UBE2R2: variants seen among roughly 807,000 people sequenced by gnomAD.
UBE2R2 encodes ubiquitin-conjugating enzyme E2 R2.
In UBE2R2, 1 loss-of-function variant was observed where a neutral mutation model predicts 27.8. The ratio of observed to expected loss-of-function variants is 0.04; its 90% CI spans 0.01 to 0.17. The LOEUF is 0.17. Among genes scored for constraint, UBE2R2 ranks in the 10% least tolerant of loss-of-function variants. The pLI is 1.00. For missense variants in UBE2R2, 100 were observed against 291.0 expected (o/e 0.34, Z 4.78); for synonymous variants, 106 against 113.3 (o/e 0.94, Z 0.41).
At chr9:33,841,578 T>C (rs1185532170) in intron 1 of UBE2R2, among the ~76,000 whole-genome samples, 2 of 152,208 alleles carry the variant, frequency 1.3e-5, no homozygotes, top group Non-Finnish European at 2.9e-5. Flanking sequence ...TTAGGGCGCC[T>C]AATATGGACC....
chr9:33,869,423 T>TTTTATTTATTTATTTATTTA (rs78245446), intron 1 of UBE2R2, among the ~76,000 whole-genome samples: 61 of 146,624 alleles, frequency 4.2e-4, no homozygotes, highest in African/African-American at 1.2e-3. Context: ...ATATACAATG[T>TTTTATTTATTTATTTATTTA]TTTATTTATT....
chr9:33,913,950 T>G (rs918148424), intron 4 of UBE2R2, among the ~76,000 whole-genome samples: 4 of 152,162 alleles, frequency 2.6e-5, no homozygotes, highest in Non-Finnish European at 5.9e-5. Context: ...CTACAGAAAT[T>G]TAGAGGAGTG....
chr9:33,899,971 A>T (rs1420247265), intron 2 of UBE2R2, among the ~76,000 whole-genome samples: 1 of 152,232 alleles, frequency 6.6e-6, no homozygotes, highest in African/African-American at 2.4e-5. Context: ...CTCACTAGAA[A>T]ATATACCTTG....
intron 1 of UBE2R2, among the ~76,000 whole-genome samples, chr9:33,851,839 C>T (rs1820974481): frequency 6.6e-6 from 1 of 152,044 alleles, no homozygotes; most frequent in African/African-American, 2.4e-5. Flanking sequence ...GGTATACATT[C>T]ACATAAAGTG....
At chr9:33,898,047 T>TTA (rs1160403438) in intron 2 of UBE2R2, among the ~76,000 whole-genome samples, 1 of 152,276 alleles carries the variant, frequency 6.6e-6, no homozygotes, top group East Asian at 1.9e-4. Flanking sequence ...AGTGCTGAGG[T>TTA]TACAGGCGTG....
chr9:33,817,478 A>C lies in UBE2R2; in HGVS notation c.-280A>C, dbSNP rs1587417615. 1.3e-5 allele frequency: 2 copies of C among 159,000 alleles called. No homozygotes were observed. The highest frequency in any genetic ancestry group is 1.3e-5 in the Non-Finnish European group (1 of 76,066). The allele number at this position is 159,000 out of a possible 1,614,324, so 9.8% of individuals were successfully genotyped here. ...CCCCTCCGGGGGGGGGAGGCCCGGG[A>C]CCGGGACCCGTAGCGAATTCTCCTA... On this transcript the variant is annotated 5_prime_UTR_variant, in exon 1 of 5. Coordinates refer to ENST00000263228, the MANE Select transcript of UBE2R2 (RefSeq NM_017811.4).
At chr9:33,848,402 T>G (rs1820891568) in intron 1 of UBE2R2, among the ~76,000 whole-genome samples, 1 of 152,130 alleles carries the variant, frequency 6.6e-6, no homozygotes, top group African/African-American at 2.4e-5. Flanking sequence ...AAAATAATCC[T>G]GGAGACTAAG....
intron 3 of UBE2R2, among the ~76,000 whole-genome samples, chr9:33,901,186 T>C (rs1447607833): frequency 6.6e-6 from 1 of 152,198 alleles, no homozygotes; most frequent in Non-Finnish European, 1.5e-5. Flanking sequence ...ACTGATCAGG[T>C]ATTTTGTGCA....
chr9:33,852,291 A>G (rs753623178), intron 1 of UBE2R2, among the ~76,000 whole-genome samples: 1 of 152,172 alleles, frequency 6.6e-6, no homozygotes, highest in Non-Finnish European at 1.5e-5. Flanking sequence ...AGCCTGTGTG[A>G]TAGAGCAGAC....
intron 1 of UBE2R2, among the ~76,000 whole-genome samples, chr9:33,881,349 A>G (rs1821728918): frequency 6.6e-6 from 1 of 152,204 alleles, no homozygotes; most frequent in South Asian, 2.1e-4. Flanking sequence ...CTTTTAAAGT[A>G]TATAGTTCAG....
rs540364601 is a variant in UBE2R2 at position 33,873,174 on chromosome 9, TAA to T, written c.178-13685_178-13684del. On this transcript the variant is annotated intron_variant, in intron 1 of 4. Coordinates refer to ENST00000263228, the MANE Select transcript of UBE2R2 (RefSeq NM_017811.4). ...TGAGCGACAGAGCAAGACTCCGTCTTAAAAAAAAAAAAAAAAAAAAAAAGATC... is the reference window on the plus strand; with the variant it reads ...TGAGCGACAGAGCAAGACTCCGTCTTAAAAAAAAAAAAAAAAAAAAAGATC... Among the ~76,000 whole-genome samples, 441 of 109,178 alleles carry T rather than the reference TAA, an allele frequency of 4.0e-3. 5 individuals are homozygous for T. The highest frequency in any genetic ancestry group is 8.5e-3 in the African/African-American group (244 of 28,780). The allele number at this position is 109,178 out of a possible 152,430, so 71.6% of individuals were successfully genotyped here.
intron 3 of UBE2R2, among the ~76,000 whole-genome samples, chr9:33,906,858 G>A (rs1587482268): frequency 1.3e-5 from 2 of 152,218 alleles, no homozygotes; most frequent in East Asian, 3.9e-4. Flanking sequence ...GCAACATGAC[G>A]AGATTCCATC....
At chr9:33,913,069 T>G (rs1395729695) in intron 4 of UBE2R2, among the ~76,000 whole-genome samples, 1 of 152,030 alleles carries the variant, frequency 6.6e-6, no homozygotes, top group Non-Finnish European at 1.5e-5. Flanking sequence ...CAAGCAATTC[T>G]CCTGCCTCAG....
At chr9:33,870,854 A>G (rs1465384462) in intron 1 of UBE2R2, among the ~76,000 whole-genome samples, 5 of 152,200 alleles carry the variant, frequency 3.3e-5, no homozygotes, top group African/African-American at 1.2e-4. Context: ...TTTCCTCAAT[A>G]TAGAAAACTG....
At chr9:33,823,665 C>T (rs2077308342) in intron 1 of UBE2R2, among the ~76,000 whole-genome samples, 1 of 152,198 alleles carries the variant, frequency 6.6e-6, no homozygotes, top group African/African-American at 2.4e-5. Flanking sequence ...CATGAGCCAC[C>T]GCGCCTGGCT....
At chr9:33,849,114 G>A (rs923929984) in intron 1 of UBE2R2, among the ~76,000 whole-genome samples, 3 of 152,034 alleles carry the variant, frequency 2.0e-5, no homozygotes, top group Middle Eastern at 3.4e-3. Context: ...AAAATTAGCC[G>A]GGCGTGGTGG....
chr9:33,877,823 G>GTCTGTCTGTCTGTCTC, intron 1 of UBE2R2, among the ~76,000 whole-genome samples: 9 of 131,104 alleles, frequency 6.9e-5, no homozygotes, highest in African/African-American at 3.0e-4. Flanking sequence ...CTGTCTGTCT[G>GTCTGTCTGTCTGTCTC]TCTCTCTCTC....
chr9:33,827,578 T>C (rs1820343080), intron 1 of UBE2R2, among the ~76,000 whole-genome samples: 1 of 151,824 alleles, frequency 6.6e-6, no homozygotes, highest in African/African-American at 2.4e-5. Context: ...GAGGTGGAAT[T>C]TGCAGTAAGC....
chr9:33,919,938 C>CT lies in UBE2R2; in HGVS notation c.*2703dup, dbSNP rs1822767542. 1 of 152,134 alleles carries CT rather than the reference C, an allele frequency of 6.6e-6. No individual in the cohort carries two copies. Among genetic ancestry groups the CT allele is most frequent in the African/African-American group, 2.4e-5 (1 of 41,404 alleles). 9.4% of individuals were successfully genotyped at this position (152,134 alleles called of 1,614,324 possible). ...TGATTCTGCTGTTGATTCTTTCAGTCTTCCCCCCTTCTCCTTTTATCAATC... is the reference window on the plus strand; with the variant it reads ...TGATTCTGCTGTTGATTCTTTCAGTCTTTCCCCCCTTCTCCTTTTATCAATC... On this transcript the variant is annotated 3_prime_UTR_variant, in exon 5 of 5. Transcript: ENST00000263228.
Sources: gnomAD v4.1 joint callset for allele counts (sites outside exome capture counted in the v4.1 genomes callset) on GRCh38, gnomAD v4.1.1 for gene constraint, MANE v1.5 for transcripts, NCBI Gene and HGNC (gene_info 2026-07-23, HGNC 2026-07-21) for gene names.